The following SHPRH variants were observed in gnomAD, a reference collection of about 807,000 sequenced individuals.
The protein encoded by SHPRH is SNF2 histone linker PHD RING helicase, also known as E3 ubiquitin-protein ligase SHPRH.
A neutral mutation model predicts 202.5 loss-of-function variants in SHPRH; 106 were observed. The ratio of observed to expected loss-of-function variants is 0.52; its 90% CI spans 0.45 to 0.62. The LOEUF (loss-of-function observed/expected upper bound fraction) is 0.62, where lower values mean the gene tolerates loss of function less well. Among genes scored for constraint, SHPRH ranks in the 20% least tolerant of loss-of-function variants. SHPRH has a pLI of 0.00. For missense variants in SHPRH, 1,710 were observed against 2,020.0 expected, an observed-to-expected ratio of 0.85 and a Z score of 2.94; for synonymous variants, 729 against 686.0, an observed-to-expected ratio of 1.06 and a Z score of -0.98.
downstream of SHPRH, chr6:145,862,866 G>C (rs1259470090): frequency 6.6e-6 from 1 of 152,128 alleles, no homozygotes; most frequent in Admixed American, 6.5e-5. Flanking sequence ...TCACATGCAA[G>C]GTATAAGGTT....
At chr6:145,892,059 G>T (rs1324007163) in intron 28 of SHPRH, among the ~76,000 whole-genome samples, 1 of 152,038 alleles carries the variant, frequency 6.6e-6, no homozygotes, top group African/African-American at 2.4e-5. Context: ...TTTCAAGTAA[G>T]CCCTTTATTT....
intron 25 of SHPRH, chr6:145,910,007 T>C (rs1783348717): frequency 1.3e-5 from 2 of 153,506 alleles, no homozygotes; most frequent in South Asian, 4.1e-4. Context: ...TTACCCTCTT[T>C]CTTGTAGCTG....
rs771664698 is a variant in SHPRH at position 145,945,432 on chromosome 6, T to C, written c.1527A>G (p.Thr509=). 5 of 1,612,968 alleles carry C rather than the reference T, an allele frequency of 3.1e-6. No individual in the cohort carries two copies. The East Asian group carries it at 8.9e-5, about 29-fold the overall frequency. The change falls in exon 8 of 30, where the codon ACA becomes ACG. Residue 509 remains threonine (T), a synonymous_variant. Transcript: ENST00000275233. ...CCTCTTCCTTGTAATTCTTTCCCAA[T>C]GTAAAAGTCCCAGAAAAACCATGGC... ...IKGHGFSGTF[T]LGKNYKEEDI...
At chr6:145,923,990 A>G (rs1257949036) in intron 17 of SHPRH, among the ~76,000 whole-genome samples, 1 of 151,870 alleles carries the variant, frequency 6.6e-6, no homozygotes, top group African/African-American at 2.4e-5. Flanking sequence ...AGAAACCCCT[A>G]TTTCCTAACT....
chr6:145,892,733 T>C (rs1387184663), intron 28 of SHPRH, among the ~76,000 whole-genome samples: 1 of 152,118 alleles, frequency 6.6e-6, no homozygotes, highest in Non-Finnish European at 1.5e-5. Flanking sequence ...TCTAATGATC[T>C]CTTGGAGCTG....
chr6:145,868,117 T>C (rs1213721142), intron 2 of SHPRH, among the ~76,000 whole-genome samples: 3 of 152,210 alleles, frequency 2.0e-5, no homozygotes, highest in Non-Finnish European at 4.4e-5. Context: ...AGCTTATAGA[T>C]GGTGCCTTCT....
At chr6:145,883,622 G>A (rs1467914333), downstream of SHPRH, 1 of 152,206 alleles carries the variant, frequency 6.6e-6, no homozygotes, top group Non-Finnish European at 1.5e-5. Flanking sequence ...GGTACACAGA[G>A]ATTCTTGTAA....
At chr6:145,879,253 C>A (rs887582011) in intron 2 of SHPRH, among the ~76,000 whole-genome samples, 3 of 151,916 alleles carry the variant, frequency 2.0e-5, no homozygotes, top group Admixed American at 2.0e-4. Context: ...TCATTAAATT[C>A]TTTGATACAT....
At chr6:145,942,893 T>C (rs1044061710) in intron 9 of SHPRH, among the ~76,000 whole-genome samples, 5 of 152,132 alleles carry the variant, frequency 3.3e-5, no homozygotes, top group African/African-American at 1.2e-4. Context: ...TACTCAAGAA[T>C]TTTTAAAAAG....
At chr6:145,958,468 A>C (rs1444721665) in intron 1 of SHPRH, among the ~76,000 whole-genome samples, 1 of 152,172 alleles carries the variant, frequency 6.6e-6, no homozygotes, top group African/African-American at 2.4e-5. Flanking sequence ...AAACTGGCCC[A>C]AGAAGGAAAA....
At chr6:145,911,218 C>T (rs969208880) in intron 24 of SHPRH, among the ~76,000 whole-genome samples, 2 of 152,074 alleles carry the variant, frequency 1.3e-5, no homozygotes, top group African/African-American at 4.8e-5. Context: ...AACCTTGCAA[C>T]CTCCACCTCC....
intron 1 of SHPRH, among the ~76,000 whole-genome samples, chr6:145,960,513 A>G (rs1788981568): frequency 6.6e-6 from 1 of 152,214 alleles, no homozygotes; most frequent in South Asian, 2.1e-4. Flanking sequence ...AAACCCAAAA[A>G]GCAACTGTCT....
chr6:145,863,848 G>A (rs537323653), downstream of SHPRH, among the ~76,000 whole-genome samples: 1 of 152,336 alleles, frequency 6.6e-6, no homozygotes, highest in East Asian at 1.9e-4. Context: ...GGAGCTGGCT[G>A]TCAGAAAGCA....
At chr6:145,934,850 G>C (rs2128767697) in intron 13 of SHPRH, 57 bp downstream of exon 13, 1 of 1,505,054 alleles carries the variant, frequency 6.6e-7, no homozygotes, top group Non-Finnish European at 9.0e-7. Flanking sequence ...CCGTGGGCCT[G>C]AAATATTGTC....
chr6:145,929,078 A>G (rs1397290814), intron 14 of SHPRH, among the ~76,000 whole-genome samples: 1 of 151,938 alleles, frequency 6.6e-6, no homozygotes, highest in Non-Finnish European at 1.5e-5. Context: ...TGATTAAACT[A>G]TAATGTAAAG....
Position 145,886,372 on chromosome 6 carries a change from T to C in SHPRH, c.*319A>G. ...TTACTTTCTTATTCCAACTGTTTTA[T>C]GAGTGATCTTATCATAAGAAAAGTA... On this transcript the variant is annotated 3_prime_UTR_variant, in exon 30 of 30. Coordinates refer to ENST00000275233, the MANE Select transcript of SHPRH (RefSeq NM_001042683.3). 1.4e-6 allele frequency: 1 copy of C among 700,470 alleles called. No individual in the cohort carries two copies. The highest frequency in any genetic ancestry group is 2.6e-6 in the Non-Finnish European group (1 of 377,676). The allele number at this position is 700,470 out of a possible 1,614,324, so 43.4% of individuals were successfully genotyped here. A position where few individuals can be genotyped will look rare whatever the true frequency, so the allele number is the denominator to read the frequency against.
chr6:145,858,469 A>G, the SHPRH span, among the ~76,000 whole-genome samples: 2 of 152,098 alleles, frequency 1.3e-5, no homozygotes, highest in Non-Finnish European at 2.9e-5. Context: ...AAAAAAGTGC[A>G]TGTTGTTTGA....
At chr6:145,946,848 A>G (rs551050041) in intron 6 of SHPRH, among the ~76,000 whole-genome samples, 1 of 152,088 alleles carries the variant, frequency 6.6e-6, no homozygotes, top group South Asian at 2.1e-4. Flanking sequence ...TGGGTCCTAG[A>G]GGTAATTAAT....
chr6:145,937,190 GCCAGGCTGGT>G (rs1247521772), intron 11 of SHPRH, among the ~76,000 whole-genome samples: 1 of 151,488 alleles, frequency 6.6e-6, no homozygotes, highest in African/African-American at 2.4e-5. Flanking sequence ...CATCATGTTG[GCCAGGCTGGT>G]CTCAAACTCC....
Sources: gnomAD v4.1 joint callset for allele counts (sites outside exome capture counted in the v4.1 genomes callset) on GRCh38, gnomAD v4.1.1 for gene constraint, MANE v1.5 for transcripts, NCBI Gene and HGNC (gene_info 2026-07-23, HGNC 2026-07-21) for gene names.